SLC10A7: variants seen among roughly 807,000 people sequenced by gnomAD.
SLC10A7 encodes solute carrier family 10 member 7.
In SLC10A7, 29 loss-of-function variants were observed where a neutral mutation model predicts 43.2. That is an observed-to-expected ratio of 0.67 (90% confidence interval 0.50 to 0.92). The LOEUF is 0.92. Among genes scored for constraint, SLC10A7 ranks in the 40% least tolerant of loss-of-function variants. The pLI is 0.00. For missense variants in SLC10A7, 295 were observed against 403.2 expected, an observed-to-expected ratio of 0.73 and a Z score of 2.30; for synonymous variants, 152 against 144.8, an observed-to-expected ratio of 1.05 and a Z score of -0.35.
intron 4 of SLC10A7, among the ~76,000 whole-genome samples, chr4:146,461,728 A>G (rs1319703564): frequency 2.0e-5 from 3 of 150,974 alleles, no homozygotes; most frequent in Non-Finnish European, 4.4e-5. Flanking sequence ...CCCATCCTGC[A>G]GAATTTAAGT....
chr4:146,262,718 G>T (rs986614741), intron 10 of SLC10A7, among the ~76,000 whole-genome samples: 1 of 152,178 alleles, frequency 6.6e-6, no homozygotes, highest in African/African-American at 2.4e-5. Context: ...GGGCACATGG[G>T]TGACCACTCA....
intron 5 of SLC10A7, among the ~76,000 whole-genome samples, chr4:146,396,077 C>T (rs1188822343): frequency 1.3e-5 from 2 of 152,120 alleles, no homozygotes; most frequent in African/African-American, 2.4e-5. Context: ...CTCTCTGGCT[C>T]AGACATATTA....
intron 7 of SLC10A7, among the ~76,000 whole-genome samples, chr4:146,298,879 T>C (rs1483223173): frequency 6.6e-6 from 1 of 152,160 alleles, no homozygotes; most frequent in Non-Finnish European, 1.5e-5. Flanking sequence ...AAGTGAGGCC[T>C]AGGAGCTGTG....
intron 7 of SLC10A7, among the ~76,000 whole-genome samples, chr4:146,295,954 C>T (rs1024083819): frequency 5.3e-5 from 8 of 152,002 alleles, no homozygotes; most frequent in Non-Finnish European, 1.0e-4. Flanking sequence ...TGCCCTCCAA[C>T]AAAATAAATA....
intron 4 of SLC10A7, among the ~76,000 whole-genome samples, chr4:146,459,044 A>G (rs1212949646): frequency 1.3e-5 from 2 of 151,864 alleles, no homozygotes; most frequent in African/African-American, 4.8e-5. Context: ...TGAAAAATCA[A>G]TGTATTTCTA....
chr4:146,364,963 C>T (rs1736295565), intron 5 of SLC10A7, among the ~76,000 whole-genome samples: 3 of 152,034 alleles, frequency 2.0e-5, no homozygotes, highest in Admixed American at 2.0e-4. Flanking sequence ...ACAGAAGCCC[C>T]TTCCATTTCC....
At chr4:146,472,378 A>C (rs1038956962) in intron 4 of SLC10A7, among the ~76,000 whole-genome samples, 19 of 151,876 alleles carry the variant, frequency 1.3e-4, no homozygotes, top group African/African-American at 4.1e-4. Context: ...CTATACTTAG[A>C]GTGAAATCTT....
chr4:146,256,686 C>T (rs1727905314), intron 11 of SLC10A7, 166 bp from the exon 12 acceptor site: 1 of 987,066 alleles, frequency 1.0e-6, no homozygotes, highest in South Asian at 1.6e-5. Flanking sequence ...ATTTCCCTGC[C>T]CACCTCTCTG....
chr4:146,475,970 C>T (rs1401724682), intron 4 of SLC10A7, among the ~76,000 whole-genome samples: 1 of 152,164 alleles, frequency 6.6e-6, no homozygotes, highest in Non-Finnish European at 1.5e-5. Context: ...CATTAAGCTG[C>T]TAAAGGTGTT....
At chr4:146,510,314 C>T (rs1737341764) in intron 2 of SLC10A7, among the ~76,000 whole-genome samples, 1 of 149,252 alleles carries the variant, frequency 6.7e-6, no homozygotes, top group African/African-American at 2.5e-5. Flanking sequence ...GGCTGGAGTA[C>T]AGTGGCGCGA....
intron 5 of SLC10A7, among the ~76,000 whole-genome samples, chr4:146,335,250 G>GAAAAAAA (rs772547279): frequency 0.015 from 1,055 of 70,466 alleles, 28 homozygotes; most frequent in South Asian, 0.052. Context: ...CACAGATGTT[G>GAAAAAAA]TAAAAAAAAA....
chr4:146,391,989 C>T (rs1579069676), intron 5 of SLC10A7, among the ~76,000 whole-genome samples: 1 of 152,212 alleles, frequency 6.6e-6, no homozygotes, highest in Non-Finnish European at 1.5e-5. Context: ...TAACACTGAA[C>T]ATATCTGCTG....
chr4:146,467,543 T>TTTTCTTTTTCTA (rs1733146431), intron 4 of SLC10A7, among the ~76,000 whole-genome samples: 1 of 147,054 alleles, frequency 6.8e-6, no homozygotes, highest in African/African-American at 2.5e-5. Flanking sequence ...TTTTTTGCCC[T>TTTTCTTTTTCTA]TTTCTTTTTT....
At chr4:146,392,965 A>G (rs1738550238) in intron 5 of SLC10A7, among the ~76,000 whole-genome samples, 1 of 152,008 alleles carries the variant, frequency 6.6e-6, no homozygotes, top group South Asian at 2.1e-4. Flanking sequence ...AACATGGGCA[A>G]TCCTGCCTCA....
chr4:146,284,870 A>T (rs1455074803), intron 9 of SLC10A7, among the ~76,000 whole-genome samples: 1 of 152,194 alleles, frequency 6.6e-6, no homozygotes, highest in African/African-American at 2.4e-5. Flanking sequence ...AAAGCACTAC[A>T]GACATACATG....
intron 5 of SLC10A7, among the ~76,000 whole-genome samples, chr4:146,355,946 G>A (rs909573328): frequency 5.3e-5 from 8 of 149,692 alleles, no homozygotes; most frequent in African/African-American, 1.2e-4. Context: ...GCTAGATGAC[G>A]CGTTAGTGGG....
chr4:146,258,707 C>G lies in SLC10A7; in HGVS notation c.978G>C (p.Met326Ile), dbSNP rs754061084. The change falls in exon 11 of 12, where the codon ATG becomes ATC. Residue 326 changes from methionine (M) to isoleucine (I), a missense_variant. Met to Ile is a conservative substitution (Grantham distance 10, BLOSUM62 1). Around this residue, in one of 2 missense-constraint regions of SLC10A7, gnomAD observed 242 missense variants for 362.5 expected, o/e 0.67. Coordinates refer to ENST00000335472, the MANE Select transcript of SLC10A7 (RefSeq NM_001029998.6). Reference sequence around the variant, plus strand: ...GGGGACTCACCTTCTGCCTTGATACCATCCAAGACTTGATTGTTGGCACCA... The same window carrying G: ...GGGGACTCACCTTCTGCCTTGATACGATCCAAGACTTGATTGTTGGCACCA... ...SVLVPTIKSW[M>I]VSRQKGVKLT... 3.8e-6 allele frequency: 6 copies of G among 1,589,694 alleles called. No individual in the cohort carries two copies. The South Asian group carries it at 7.0e-5, about 19-fold the overall frequency.
intron 5 of SLC10A7, among the ~76,000 whole-genome samples, chr4:146,441,455 C>A (rs921353785): frequency 6.6e-6 from 1 of 152,110 alleles, no homozygotes; most frequent in Non-Finnish European, 1.5e-5. Context: ...GTCTAGACAT[C>A]CGAAAGAATA....
chr4:146,356,347 A>G (rs1443132581), intron 5 of SLC10A7, among the ~76,000 whole-genome samples: 1 of 152,154 alleles, frequency 6.6e-6, no homozygotes, highest in Non-Finnish European at 1.5e-5. Context: ...ATTACTAACT[A>G]TTGTTCCAAA....
Sources: gnomAD v4.1 joint callset for allele counts (sites outside exome capture counted in the v4.1 genomes callset) on GRCh38, gnomAD v4.1.1 for gene constraint, gnomAD v4.1.1 regional missense constraint, MANE v1.5 for transcripts, NCBI Gene and HGNC (gene_info 2026-07-23, HGNC 2026-07-21) for gene names.